The following COL10A1 variants were observed in gnomAD, a reference collection of about 807,000 sequenced individuals.
The protein encoded by COL10A1 is collagen type X alpha 1 chain, also known as collagen alpha-1(X) chain.
Under a neutral mutation model 18.2 loss-of-function variants are expected in COL10A1, and 10 were observed. The ratio of observed to expected loss-of-function variants is 0.55; its 90% confidence interval spans 0.34 to 0.93. The LOEUF is 0.93. Among genes scored for constraint, COL10A1 ranks in the 40% least tolerant of loss-of-function variants. COL10A1 has a pLI of 0.02. For missense variants in COL10A1, 897 were observed against 853.5 expected (o/e 1.05, Z -0.64); for synonymous variants, 330 against 316.6 (o/e 1.04, Z -0.45).
intron 1 of COL10A1, among the ~76,000 whole-genome samples, chr6:116,154,407 T>C (rs1260487717): frequency 6.6e-6 from 1 of 152,110 alleles, no homozygotes; most frequent in Non-Finnish European, 1.5e-5. Flanking sequence ...TATTACTTGT[T>C]TTCTTACCTG....
chr6:116,182,272 T>A, the COL10A1 span, among the ~76,000 whole-genome samples: 9 of 150,710 alleles, frequency 6.0e-5, no homozygotes, highest in Admixed American at 2.6e-4. Flanking sequence ...TTTCTTTTTC[T>A]TTATCCACTC....
chr6:116,181,601 CT>C, the COL10A1 span, among the ~76,000 whole-genome samples: 1 of 151,974 alleles, frequency 6.6e-6, no homozygotes, highest in Admixed American at 6.6e-5. Flanking sequence ...ATTGTCACCA[CT>C]TTTTTTCATT....
chr6:116,178,082 TGTGTGTGC>T, the COL10A1 span, among the ~76,000 whole-genome samples: 194 of 107,320 alleles, frequency 1.8e-3, no homozygotes, highest in Middle Eastern at 0.014. Context: ...TGTGTGTGTG[TGTGTGTGC>T]GCGCGCGCGC....
chr6:116,122,562 G>T (rs1779162496), intron 2 of COL10A1, among the ~76,000 whole-genome samples: 2 of 152,156 alleles, frequency 1.3e-5, no homozygotes, highest in Admixed American at 1.3e-4. Context: ...ACATAAAATA[G>T]TATTAAAGTT....
At chr6:116,207,533 G>A in the COL10A1 span, among the ~76,000 whole-genome samples, 3 of 151,596 alleles carry the variant, frequency 2.0e-5, no homozygotes, top group East Asian at 5.8e-4. Flanking sequence ...TCATCTTTAT[G>A]TTTGAAAAGT....
chr6:116,121,749 A>G lies in COL10A1; in HGVS notation c.367T>C (p.Tyr123His), dbSNP rs1247896388. 6.2e-7 allele frequency: 1 copy of G among 1,612,784 alleles called. No individual in the cohort carries two copies. Among genetic ancestry groups the G allele is most frequent in the East Asian group, 2.2e-5 (1 of 44,762 alleles). Residue 123 changes from tyrosine (Y) to histidine (H), a missense_variant, in exon 3 of 3, where the codon TAT becomes CAT. Coordinates refer to ENST00000651968, the MANE Select transcript of COL10A1 (RefSeq NM_000493.4). ...GGTCCAACATCTCCTTTTGGTCCAT[A>G]TGGTCCTCTCTCTCCTGGTTTTCCT... ...LPGKPGERGPYGPKGDVGPAG... is the reference protein window; with the variant it reads ...LPGKPGERGPHGPKGDVGPAG...
Position 116,120,855 on chromosome 6 carries a change from G to A in COL10A1, c.1261C>T (p.Pro421Ser), listed in dbSNP as rs146980198. 368 of 1,613,980 alleles carry A rather than the reference G, an allele frequency of 2.3e-4. 2 individuals carry two copies. In the South Asian group the frequency reaches 2.8e-3, roughly 12 times the overall value. Reference sequence around the variant, plus strand: ...GCTCCTGCTGGGCCCACAGGGCCTGGGAGACCAGGAGGTCCTCCAACTCCA... The same window carrying A: ...GCTCCTGCTGGGCCCACAGGGCCTGAGAGACCAGGAGGTCCTCCAACTCCA... ...DPGVGGPPGLPGPVGPAGAKG... is the reference protein window; with the variant it reads ...DPGVGGPPGLSGPVGPAGAKG... The change falls in exon 3 of 3, where the codon CCA becomes TCA. Residue 421 changes from proline (P) to serine (S), a missense_variant. Transcript: ENST00000651968.
chr6:116,162,864 G>A (rs1432904370), upstream of COL10A1, among the ~76,000 whole-genome samples: 7 of 151,898 alleles, frequency 4.6e-5, no homozygotes, highest in Non-Finnish European at 1.0e-4. Flanking sequence ...GTGGCTCAGA[G>A]CGCCTGTAAT....
In COL10A1 at chr6:116,120,306, G is replaced by A. The variant is rs1317180153; in HGVS notation, c.1810C>T (p.His604Tyr). The change falls in exon 3 of 3, where the codon CAT becomes TAT. Residue 604 changes from histidine (H) to tyrosine (Y), a missense_variant. By Grantham distance (83) the His-to-Tyr change is moderately conservative. Transcript: ENST00000651968. ...PGIYYFSYHVHVKGTHVWVGL... is the reference protein window; with the variant it reads ...PGIYYFSYHVYVKGTHVWVGL... Reference sequence around the variant, plus strand: ...ACCCAAACATGAGTCCCTTTCACATGCACGTGGTATGAAAAATAGTATATT... The same window carrying A: ...ACCCAAACATGAGTCCCTTTCACATACACGTGGTATGAAAAATAGTATATT... The A allele has an allele frequency of 1.2e-6, 2 of 1,614,162 alleles. No individual in the cohort carries two copies. Among genetic ancestry groups the A allele is most frequent in the Non-Finnish European group, 1.7e-6 (2 of 1,180,018 alleles).
chr6:116,203,464 T>C, the COL10A1 span, among the ~76,000 whole-genome samples: 4 of 151,958 alleles, frequency 2.6e-5, no homozygotes, highest in African/African-American at 9.7e-5. Flanking sequence ...TATGTAATTA[T>C]GCAGTATGTA....
At chr6:116,172,636 T>C in the COL10A1 span, among the ~76,000 whole-genome samples, 1 of 152,258 alleles carries the variant, frequency 6.6e-6, no homozygotes, top group South Asian at 2.1e-4. Context: ...TAGTAACATA[T>C]ATACTTTGTA....
chr6:116,157,784 A>G (rs1780233727), intron 1 of COL10A1, among the ~76,000 whole-genome samples: 1 of 152,198 alleles, frequency 6.6e-6, no homozygotes, highest in Non-Finnish European at 1.5e-5. Flanking sequence ...TCTAACGGGG[A>G]AATCAAAAAC....
At chr6:116,192,947 A>G in the COL10A1 span, among the ~76,000 whole-genome samples, 1 of 152,050 alleles carries the variant, frequency 6.6e-6, no homozygotes, top group Admixed American at 6.6e-5. Flanking sequence ...CCTTAAAGTC[A>G]AAAGCCAGGA....
At chr6:116,192,874 G>C in the COL10A1 span, among the ~76,000 whole-genome samples, 693 of 152,120 alleles carry the variant, frequency 4.6e-3, 6 homozygotes, top group African/African-American at 0.016. Flanking sequence ...AACTTCCCCT[G>C]CTTTCTCACG....
the COL10A1 span, among the ~76,000 whole-genome samples, chr6:116,196,875 G>C: frequency 6.6e-6 from 1 of 151,600 alleles, no homozygotes; most frequent in African/African-American, 2.4e-5. Context: ...AGGGAAAGCA[G>C]ATACTTCCTT....
At chr6:116,167,159 C>CAT in the COL10A1 span, among the ~76,000 whole-genome samples, 2 of 149,998 alleles carry the variant, frequency 1.3e-5, no homozygotes, top group East Asian at 3.9e-4. Context: ...ATAAAAGTGA[C>CAT]ATACTTTGTA....
the COL10A1 span, among the ~76,000 whole-genome samples, chr6:116,211,538 T>A: frequency 6.6e-6 from 1 of 152,088 alleles, no homozygotes; most frequent in Non-Finnish European, 1.5e-5. Flanking sequence ...TATATTTGGT[T>A]ATTCTTAATT....
the COL10A1 span, among the ~76,000 whole-genome samples, chr6:116,186,592 T>G: frequency 1.3e-5 from 2 of 152,062 alleles, no homozygotes; most frequent in Non-Finnish European, 2.9e-5. Context: ...CTTTTTTCTT[T>G]GTCTTTGTTG....
At chr6:116,123,823 G>A (rs1779210293) in intron 2 of COL10A1, among the ~76,000 whole-genome samples, 1 of 152,200 alleles carries the variant, frequency 6.6e-6, no homozygotes, top group Non-Finnish European at 1.5e-5. Context: ...AAGTAGCCAA[G>A]ATAATGGTGT....
Sources: gnomAD v4.1 joint callset for allele counts (sites outside exome capture counted in the v4.1 genomes callset) on GRCh38, gnomAD v4.1.1 for gene constraint, MANE v1.5 for transcripts, NCBI Gene and HGNC (gene_info 2026-07-23, HGNC 2026-07-21) for gene names.